The following ST6GALNAC5 variants were observed in gnomAD, a reference collection of about 807,000 sequenced individuals.
ST6GALNAC5 encodes alpha-N-acetylgalactosaminide alpha-2,6-sialyltransferase 5.
A neutral mutation model predicts 33.6 loss-of-function variants in ST6GALNAC5; 27 were observed. The ratio of observed to expected loss-of-function variants is 0.80; its 90% confidence interval spans 0.59 to 1.11. The LOEUF (loss-of-function observed/expected upper bound fraction) is 1.11, where lower values mean the gene tolerates loss of function less well. Among genes scored for constraint, ST6GALNAC5 ranks in the 50% least tolerant of loss-of-function variants. The pLI is 0.00. For synonymous variants in ST6GALNAC5, 194 were observed against 171.2 expected (o/e 1.13, Z -1.04); for missense variants, 428 against 454.0 (o/e 0.94, Z 0.52).
At chr1:76,907,481 A>G (rs1646875367) in intron 2 of ST6GALNAC5, among the ~76,000 whole-genome samples, 1 of 152,166 alleles carries the variant, frequency 6.6e-6, no homozygotes, top group African/African-American at 2.4e-5. Flanking sequence ...TGAAGTAACA[A>G]TAACAAGTAG....
intron 2 of ST6GALNAC5, among the ~76,000 whole-genome samples, chr1:76,913,988 A>C (rs550647025): frequency 6.6e-6 from 1 of 152,228 alleles, no homozygotes; most frequent in Non-Finnish European, 1.5e-5. Context: ...AAGCAACTTC[A>C]GCAAAGTCTC....
At chr1:77,015,149 G>T (rs1650781289) in intron 2 of ST6GALNAC5, among the ~76,000 whole-genome samples, 1 of 151,990 alleles carries the variant, frequency 6.6e-6, no homozygotes, top group East Asian at 1.9e-4. Flanking sequence ...CCCATGATCA[G>T]CAGATTGCAA....
intron 2 of ST6GALNAC5, among the ~76,000 whole-genome samples, chr1:76,965,047 G>A (rs576198700): frequency 2.0e-5 from 3 of 152,146 alleles, no homozygotes; most frequent in Non-Finnish European, 4.4e-5. Flanking sequence ...TTGCTATTGT[G>A]AATAGTGCCA....
At chr1:76,897,565 G>T (rs1183990915) in intron 2 of ST6GALNAC5, among the ~76,000 whole-genome samples, 2 of 152,144 alleles carry the variant, frequency 1.3e-5, no homozygotes, top group South Asian at 2.1e-4. Context: ...ATGGTAAGGA[G>T]TGTGTGATCA....
At chr1:77,034,085 T>C (rs1651561788) in intron 2 of ST6GALNAC5, among the ~76,000 whole-genome samples, 1 of 152,110 alleles carries the variant, frequency 6.6e-6, no homozygotes, top group African/African-American at 2.4e-5. Context: ...GAATAAATTA[T>C]CACAAATCGG....
At chr1:76,910,299 A>G (rs1646898384) in intron 2 of ST6GALNAC5, among the ~76,000 whole-genome samples, 2 of 152,036 alleles carry the variant, frequency 1.3e-5, no homozygotes, top group South Asian at 4.1e-4. Flanking sequence ...TTGCGTAAAT[A>G]TATGCAATCA....
chr1:76,995,827 A>G (rs1340972930), intron 2 of ST6GALNAC5, among the ~76,000 whole-genome samples: 1 of 152,042 alleles, frequency 6.6e-6, no homozygotes, highest in African/African-American at 2.4e-5. Context: ...CTTCTGTGAG[A>G]CTGTGGGGTT....
chr1:76,889,368 T>C (rs538239524), intron 2 of ST6GALNAC5, among the ~76,000 whole-genome samples: 4 of 152,276 alleles, frequency 2.6e-5, no homozygotes, highest in Admixed American at 6.5e-5. Context: ...TTACCCATGA[T>C]TACCATCATT....
intron 2 of ST6GALNAC5, among the ~76,000 whole-genome samples, chr1:76,994,315 C>T (rs1296246807): frequency 1.3e-5 from 2 of 152,126 alleles, no homozygotes; most frequent in African/African-American, 4.8e-5. Context: ...TCAAATCAGA[C>T]AGCTCCATAA....
rs140102584 is a variant in ST6GALNAC5, at chr1:76,972,105, G to A, written c.262-72099G>A. ...ACTGGGTAACTTATAAAGGAAAGAG[G>A]TTTAAGTGACTCACAGTTCCACATA... On this transcript the variant is annotated intron_variant, in intron 2 of 4. Transcript: ENST00000477717. Among the ~76,000 whole-genome samples, 22 of 152,286 alleles carry A rather than the reference G, an allele frequency of 1.4e-4. No individual in the cohort carries two copies. In the East Asian group the frequency reaches 4.2e-3, roughly 29 times the overall value.
chr1:76,917,667 T>C (rs968260810), intron 2 of ST6GALNAC5, among the ~76,000 whole-genome samples: 1 of 151,570 alleles, frequency 6.6e-6, no homozygotes, highest in East Asian at 1.9e-4. Context: ...TATATATTTA[T>C]ATTTGTATGT....
rs975614274 is a variant in ST6GALNAC5, at chr1:77,066,805, C to G, written c.*3599C>G. ...TCTTAAACCTCATTGTATCTCTTTA[C>G]TGTCATTTTCTCCCAATTGTCTTCT... On this transcript the variant is annotated 3_prime_UTR_variant, in exon 5 of 5. Transcript: ENST00000477717. Among the ~76,000 whole-genome samples the G allele has an allele frequency of 6.6e-6, 1 of 152,198 alleles. No homozygotes were observed. The highest frequency in any genetic ancestry group is 1.5e-5 in the Non-Finnish European group (1 of 68,032).
In ST6GALNAC5 at chr1:77,000,557, G is replaced by C. The variant is rs1428600844; in HGVS notation, c.262-43647G>C. Among the ~76,000 whole-genome samples the C allele has an allele frequency of 2.9e-3, 427 of 145,052 alleles. 1 individual carries two copies. Among genetic ancestry groups the C allele is most frequent in the African/African-American group, 0.01 (413 of 39,720 alleles). On this transcript the variant is annotated intron_variant, in intron 2 of 4. Transcript: ENST00000477717. ...TTGCTTTTGGTGTTTTGGACATGAA[G>C]TCCTTGCCCATGCCTATGTCCTGAA...
intron 2 of ST6GALNAC5, among the ~76,000 whole-genome samples, chr1:76,875,673 A>G (rs1653622010): frequency 6.6e-6 from 1 of 152,168 alleles, no homozygotes; most frequent in Non-Finnish European, 1.5e-5. Flanking sequence ...TTGCTAGTGG[A>G]TCACTAGGGG....
chr1:77,066,888 T>C lies in ST6GALNAC5; in HGVS notation c.*3682T>C, dbSNP rs1557781950. Reference sequence around the variant, plus strand: ...TTTGGTGCTGTTAAGGTCTTCCTTGTAGGTTTTTAAACTAAAGATCTATCT... The same window carrying C: ...TTTGGTGCTGTTAAGGTCTTCCTTGCAGGTTTTTAAACTAAAGATCTATCT... On this transcript the variant is annotated 3_prime_UTR_variant, in exon 5 of 5. Coordinates refer to ENST00000477717, the MANE Select transcript of ST6GALNAC5 (RefSeq NM_030965.3). 6.6e-6 allele frequency among the ~76,000 whole-genome samples: 1 copy of C among 152,222 alleles called. No individual in the cohort carries two copies. The highest frequency in any genetic ancestry group is 1.5e-5 in the Non-Finnish European group (1 of 68,042).
chr1:76,926,139 T>C (rs1266551413), intron 2 of ST6GALNAC5, among the ~76,000 whole-genome samples: 12 of 152,268 alleles, frequency 7.9e-5, no homozygotes, highest in Admixed American at 7.8e-4. Context: ...TGTAGTTTTA[T>C]TTTTCTTGTT....
intron 2 of ST6GALNAC5, among the ~76,000 whole-genome samples, chr1:77,036,568 GA>G (rs1053424963): frequency 2.0e-5 from 3 of 152,196 alleles, no homozygotes; most frequent in Non-Finnish European, 4.4e-5. Flanking sequence ...CTGGGCTTTA[GA>G]AAATATTATC....
At chr1:77,019,669 A>G (rs1394497427) in intron 2 of ST6GALNAC5, among the ~76,000 whole-genome samples, 1 of 152,208 alleles carries the variant, frequency 6.6e-6, no homozygotes, top group Non-Finnish European at 1.5e-5. Flanking sequence ...GTTCATGCTG[A>G]TATGAGTAGC....
At chr1:76,878,901 G>C (rs1003137390) in intron 2 of ST6GALNAC5, among the ~76,000 whole-genome samples, 22 of 152,136 alleles carry the variant, frequency 1.4e-4, no homozygotes, top group African/African-American at 4.8e-4. Flanking sequence ...CTTTGCCTCT[G>C]CTGTCCATTA....
Sources: allele counts gnomAD v4.1 joint callset (sites outside exome capture counted in the v4.1 genomes callset), GRCh38; gene constraint gnomAD v4.1.1; transcripts MANE v1.5; gene names NCBI Gene and HGNC (gene_info 2026-07-23, HGNC 2026-07-21).